Variants in HCFC1 observed in about 807,000 individuals in gnomAD.
HCFC1 encodes the protein host cell factor 1.
Under a neutral mutation model 105.5 loss-of-function variants are expected in HCFC1, and 7 were observed. The observed-to-expected ratio is 0.07, with a 90% CI of 0.04 to 0.12. The LOEUF is 0.12. Ranked by LOEUF, HCFC1 falls within the 10% of genes least tolerant of loss-of-function variation. The probability of loss-of-function intolerance (pLI) is 1.00; values close to 1 mark genes in which losing one functional copy is unlikely to be tolerated. For synonymous variants in HCFC1, 918 were observed against 828.1 expected, an observed-to-expected ratio of 1.11 and a Z score of -1.86; for missense variants, 1,065 against 1,823.6, an observed-to-expected ratio of 0.58 and a Z score of 7.58.
chrX:153,962,192 GAA>G, intron 5 of HCFC1, 28 bp downstream of exon 5: 1 of 1,144,259 alleles, frequency 8.7e-7, no homozygotes, highest in East Asian at 3.0e-5. Context: ...CCAGTCTAGA[GAA>G]GAGAGACGCA....
intron 22 of HCFC1, 97 bp downstream of exon 22, chrX:153,951,253 C>T (rs2065308106): frequency 2.7e-5 from 27 of 1,008,857 alleles, no homozygotes; most frequent in Admixed American, 4.6e-5. Flanking sequence ...GGCTACTCAG[C>T]TTGGCCCAAA....
Position 153,955,171 on chromosome X carries a change from C to T in HCFC1, c.3228G>A (p.Ser1076=), listed in dbSNP as rs375223452. 8.4e-5 allele frequency: 101 copies of T among 1,207,224 alleles called. No individual in the cohort carries two copies. The South Asian group carries it at 1.5e-3, about 18-fold the overall frequency. The part of the protein sequence containing the change: ...QQNGSVVRVC[S]NPPCETHETG... ...TCTCGTGGGTCTCGCAGGGCGGGTTCGAACAGACTCGGACCACGCTACCAT... is the reference window on the plus strand; with the variant it reads ...TCTCGTGGGTCTCGCAGGGCGGGTTTGAACAGACTCGGACCACGCTACCAT... Residue 1076 remains serine (S), a synonymous_variant, in exon 17 of 26, where the codon TCG becomes TCA. Coordinates refer to ENST00000310441, the MANE Select transcript of HCFC1 (RefSeq NM_005334.3).
rs1557116476 is a variant in HCFC1 at position 153,960,333 on chromosome X, G to T, written c.986C>A (p.Ala329Asp). The T allele has an allele frequency of 8.3e-7, 1 of 1,201,410 alleles. No homozygotes were observed. Among genetic ancestry groups the T allele is most frequent in the African/African-American group, 1.8e-5 (1 of 56,782 alleles). Residue 329 changes from alanine to aspartate, a missense_variant, in exon 7 of 26, where the codon GCC becomes GAC. This residue lies in a region of HCFC1 where 18 missense variants were observed against 40.1 expected (regional missense o/e 0.45). Coordinates refer to ENST00000310441, the MANE Select transcript of HCFC1 (RefSeq NM_005334.3). ...PRARAGHCAVAINTRLYIWSG... is the reference protein window; with the variant it reads ...PRARAGHCAVDINTRLYIWSG... ...CCAAATGTACAGGCGGGTGTTGATG[G>T]CGACTGCGCAGTGGCCAGCCCGAGC...
rs1468793285 is a variant in HCFC1, at chrX:153,971,296, A to G, written c.-456T>C. The G allele has an allele frequency of 1.0e-5, 3 of 298,539 alleles. No homozygotes were observed. Among genetic ancestry groups the G allele is most frequent in the Non-Finnish European group, 1.8e-5 (3 of 171,128 alleles). 24.6% of individuals were successfully genotyped at this position (298,539 alleles called of 1,213,427 possible). On this transcript the variant is annotated 5_prime_UTR_variant, in exon 1 of 26. Coordinates refer to ENST00000310441, the MANE Select transcript of HCFC1 (RefSeq NM_005334.3). Reference sequence around the variant, plus strand: ...ACTGGCCGGCTTCCGGGGCGGGTGGAAAGGAGCCACAAGCGCCGCGGTCGT... The same window carrying G: ...ACTGGCCGGCTTCCGGGGCGGGTGGGAAGGAGCCACAAGCGCCGCGGTCGT...
At chrX:153,957,256 C>T in intron 13 of HCFC1, 58 bp downstream of exon 13, 1 of 1,054,357 alleles carries the variant, frequency 9.5e-7, no homozygotes, top group Non-Finnish European at 1.3e-6. Context: ...ATAACCCGGA[C>T]TCCATTTCCC....
rs782011168 is a variant in HCFC1 at position 153,949,394 on chromosome X, G to A, written c.6069-8C>T. 1.3e-5 allele frequency: 16 copies of A among 1,201,452 alleles called. No individual in the cohort carries two copies. In the East Asian group the frequency reaches 4.5e-4, roughly 33 times the overall value. The stretch of plus-strand genomic sequence containing the variant: ...TTCTTTGGAGCAGATTTCCTTGGAA[G>A]GCAGAAAAAGGAAAGAGAAAGTTAG... On this transcript the variant is annotated splice_polypyrimidine_tract_variant and splice_region_variant and intron_variant, in intron 25 of 25. Coordinates refer to ENST00000310441, the MANE Select transcript of HCFC1 (RefSeq NM_005334.3).
intron 1 of HCFC1, among the ~76,000 whole-genome samples, chrX:153,966,588 T>C (rs1235341450): frequency 3.6e-5 from 4 of 112,342 alleles, no homozygotes; most frequent in Non-Finnish European, 5.6e-5. Flanking sequence ...GGGAGCTCCA[T>C]GCAAGCTACC....
rs2065532880 is a variant in HCFC1 at position 153,971,418 on chromosome X, G to T, written c.-578C>A. 1.0e-5 allele frequency: 3 copies of T among 293,890 alleles called. No individual in the cohort carries two copies. The highest frequency in any genetic ancestry group is 6.1e-5 in the Admixed American group (1 of 16,336). The allele number at this position is 293,890 out of a possible 1,213,427, so 24.2% of individuals were successfully genotyped here. On this transcript the variant is annotated 5_prime_UTR_variant, in exon 1 of 26. Transcript: ENST00000310441. ...GCGCCTTAGTGCAGCCGCCGCTCCC[G>T]AAACAGCCTCGACACACCTAACGAA...
At position 153,954,743 on chromosome X, in the gene HCFC1, C is replaced by T; in HGVS notation, c.3656G>A (p.Arg1219Lys). Residue 1219 changes from arginine to lysine, a missense_variant, in exon 17 of 26, where the codon AGG becomes AAG. By Grantham distance (26) the Arg-to-Lys change is conservative. Transcript: ENST00000310441. ...GTCCTTAATGCTTGGGCTGCTCAGC[C>T]TGACTTTGCTGCTCAGAGGGGCCAA... ...VQLAPLSSKV[R>K]LSSPSIKDLP... 8.5e-7 allele frequency: 1 copy of T among 1,176,413 alleles called. No homozygotes were observed. The highest frequency in any genetic ancestry group is 1.8e-5 in the African/African-American group (1 of 56,978).
Position 153,952,494 on chromosome X carries a change from A to G in HCFC1, c.4942+20T>C. ...CTCCCCCGAGCGGCCCGGCTTCCCC[A>G]GGGTTGCACCGGCACTCACCCATGA... On this transcript the variant is annotated intron_variant, in intron 19 of 25. Coordinates refer to ENST00000310441, the MANE Select transcript of HCFC1 (RefSeq NM_005334.3). 8.8e-7 allele frequency: 1 copy of G among 1,133,828 alleles called. No homozygotes were observed. Among genetic ancestry groups the G allele is most frequent in the South Asian group, 2.1e-5 (1 of 47,432 alleles). The allele number at this position is 1,133,828 out of a possible 1,213,427, so 93.4% of individuals were successfully genotyped here.
intron 4 of HCFC1, 132 bp downstream of exon 4, chrX:153,963,093 G>A: frequency 5.8e-6 from 3 of 520,041 alleles, no homozygotes; most frequent in Admixed American, 2.7e-5. Flanking sequence ...CATGACAAGA[G>A]GAAAGCACGA....
rs781881769 is a variant in HCFC1, at chrX:153,952,921, T to A, written c.4535A>T (p.Gln1512Leu). ...CAGAAGCTGCCGTGGCGGCAGCTGC[T>A]GGCGAGGACCTGGCGACACCTGGAG... is the stretch of plus-strand genomic sequence containing the variant. ...EELQVSPGPR[Q>L]QLPPRQLLQS... Residue 1512 changes from glutamine (Q) to leucine (L), a missense_variant, in exon 19 of 26, where the codon CAG (glutamine) becomes CTG (leucine). This residue lies in a region of HCFC1 where 546 missense variants were observed against 599.9 expected (regional missense o/e 0.91). Transcript: ENST00000310441. The A allele has an allele frequency of 3.8e-5, 45 of 1,178,437 alleles. No individual in the cohort carries two copies. In the East Asian group the frequency reaches 1.4e-3, roughly 37 times the overall value.
intron 5 of HCFC1, 23 bp downstream of exon 5, chrX:153,962,199 G>C (rs782781177): frequency 6.0e-6 from 7 of 1,162,848 alleles, no homozygotes; most frequent in African/African-American, 1.8e-5. Context: ...AGAGAAGAGA[G>C]ACGCAGGTGA....
chrX:153,967,181 G>C (rs1338006876), intron 1 of HCFC1, among the ~76,000 whole-genome samples: 1 of 112,220 alleles, frequency 8.9e-6, no homozygotes, highest in African/African-American at 3.2e-5. Flanking sequence ...GCTTTTCAAT[G>C]TGACAGCTGC....
At chrX:153,953,029 G>A (rs1557113122) in intron 18 of HCFC1, 71 bp from the exon 19 acceptor site, 1 of 897,731 alleles carries the variant, frequency 1.1e-6, no homozygotes, top group Admixed American at 2.6e-5. Context: ...TGTTATTTTG[G>A]CCGGGATGGG....
rs1485182953 is a variant in HCFC1 at position 153,971,302 on chromosome X, G to A, written c.-462C>T. 6.7e-6 allele frequency: 2 copies of A among 298,416 alleles called. No homozygotes were observed. Among genetic ancestry groups the A allele is most frequent in the African/African-American group, 5.4e-5 (2 of 36,810 alleles). 24.6% of individuals were successfully genotyped at this position (298,416 alleles called of 1,213,427 possible). On this transcript the variant is annotated 5_prime_UTR_variant, in exon 1 of 26. Transcript: ENST00000310441. ...CGGCTTCCGGGGCGGGTGGAAAGGA[G>A]CCACAAGCGCCGCGGTCGTCGCAGC...
intron 19 of HCFC1, 142 bp from the exon 20 acceptor site, chrX:153,952,300 G>A (rs1026142921): frequency 7.1e-5 from 72 of 1,016,725 alleles, no homozygotes; most frequent in Non-Finnish European, 9.1e-5. Context: ...CTGGCCGAGG[G>A]GCCCTGCCTG....
In HCFC1 at chrX:153,955,150, G is replaced by A. The variant is rs782014460; in HGVS notation, c.3249C>T (p.His1083=). 10 of 1,211,708 alleles carry A rather than the reference G, an allele frequency of 8.3e-6. No individual in the cohort carries two copies. Among genetic ancestry groups the A allele is most frequent in the Middle Eastern group, 2.3e-4 (1 of 4,350 alleles). The change falls in exon 17 of 26, where the codon CAC becomes CAT. Residue 1083 remains histidine (H), a synonymous_variant. Transcript: ENST00000310441. ...RVCSNPPCET[H]ETGTTNTATT... ...TGGCGGTGTTGGTGGTGCCCGTCTCGTGGGTCTCGCAGGGCGGGTTCGAAC... is the reference window on the plus strand; with the variant it reads ...TGGCGGTGTTGGTGGTGCCCGTCTCATGGGTCTCGCAGGGCGGGTTCGAAC...
rs782132814 is a variant in HCFC1 at position 153,957,785 on chromosome X, G to A, written c.2130C>T (p.Ile710=). The A allele has an allele frequency of 5.8e-6, 7 of 1,198,126 alleles. No individual in the cohort carries two copies. The highest frequency in any genetic ancestry group is 1.8e-5 in the South Asian group (1 of 56,613). The change falls in exon 12 of 26, where the codon ATC becomes ATT. Residue 710 remains isoleucine (I), a synonymous_variant. Transcript: ENST00000310441. The part of the protein sequence containing the change: ...QASTGPVTQI[I]QTKGPLPAGT... ...TGTGCAAAGACTGAGAGCTCACCTG[G>A]ATGATCTGAGTCACAGGACCCGTGG... is the stretch of plus-strand genomic sequence containing the variant.
Sources: gnomAD v4.1 joint callset for allele counts (sites outside exome capture counted in the v4.1 genomes callset) on GRCh38, gnomAD v4.1.1 for gene constraint, gnomAD v4.1.1 regional missense constraint, MANE v1.5 for transcripts, NCBI Gene and HGNC (gene_info 2026-07-23, HGNC 2026-07-21) for gene names.